Variants in MAGI2 observed in about 807,000 individuals in gnomAD.
MAGI2 encodes membrane-associated guanylate kinase, WW and PDZ domain-containing protein 2.
Under a neutral mutation model 133.3 loss-of-function variants are expected in MAGI2, and 35 were observed. The ratio of observed to expected loss-of-function variants is 0.26; its 90% CI spans 0.20 to 0.35. The LOEUF (loss-of-function observed/expected upper bound fraction) is 0.35, where lower values mean the gene tolerates loss of function less well. Among genes scored for constraint, MAGI2 ranks in the 10% least tolerant of loss-of-function variants. MAGI2 has a pLI of 1.00. For missense variants in MAGI2, 1,636 were observed against 1,863.4 expected, an observed-to-expected ratio of 0.88 and a Z score of 2.25; for synonymous variants, 729 against 710.6, an observed-to-expected ratio of 1.03 and a Z score of -0.41.
intron 1 of MAGI2, among the ~76,000 whole-genome samples, chr7:79,387,957 TC>T (rs1196232876): frequency 9.2e-5 from 14 of 152,012 alleles, no homozygotes; most frequent in African/African-American, 3.4e-4. Flanking sequence ...CATTATTTAA[TC>T]TCAAAATCAT....
At chr7:79,367,858 C>CATATATATATATATGTGACACAT (rs1842806663) in intron 1 of MAGI2, among the ~76,000 whole-genome samples, 1 of 87,114 alleles carries the variant, frequency 1.1e-5, no homozygotes, top group African/African-American at 4.6e-5. Context: ...ATATATGTGA[C>CATATATATATATATGTGACACAT]ATATATATAT....
chr7:78,407,299 G>A (rs943619644), intron 6 of MAGI2, among the ~76,000 whole-genome samples: 4 of 151,844 alleles, frequency 2.6e-5, no homozygotes, highest in African/African-American at 7.3e-5. Context: ...ACAGGATAGC[G>A]TGCTTAGTGA....
chr7:78,115,972 A>G (rs1237541802), intron 20 of MAGI2, among the ~76,000 whole-genome samples: 1 of 152,270 alleles, frequency 6.6e-6, no homozygotes, highest in Admixed American at 6.5e-5. Context: ...ACCTTATCCA[A>G]TGAACAAATC....
intron 2 of MAGI2, 74 bp downstream of exon 2, chr7:79,007,016 C>A: frequency 1.8e-6 from 2 of 1,127,884 alleles, no homozygotes; most frequent in Non-Finnish European, 2.5e-6. Context: ...ATTTCACTTT[C>A]TTTTAATCAA....
At chr7:78,926,725 T>C (rs558802680) in intron 2 of MAGI2, among the ~76,000 whole-genome samples, 1 of 152,190 alleles carries the variant, frequency 6.6e-6, no homozygotes, top group African/African-American at 2.4e-5. Flanking sequence ...GTTAATGATT[T>C]ATTTTTTCTC....
At chr7:78,467,147 A>G (rs1381295457) in intron 6 of MAGI2, among the ~76,000 whole-genome samples, 2 of 152,180 alleles carry the variant, frequency 1.3e-5, no homozygotes, top group Non-Finnish European at 2.9e-5. Flanking sequence ...CAGAGACTGC[A>G]TGCTTATTCA....
chr7:78,265,092 TA>T (rs1272284048), intron 9 of MAGI2, among the ~76,000 whole-genome samples: 1 of 151,062 alleles, frequency 6.6e-6, no homozygotes, highest in Non-Finnish European at 1.5e-5. Flanking sequence ...TTTTTTTTTT[TA>T]AATTATGATT....
At chr7:78,859,620 A>G (rs488107) in intron 2 of MAGI2, among the ~76,000 whole-genome samples, 109,432 of 152,046 alleles carry the variant, frequency 0.72, 39,705 homozygotes, top group Middle Eastern at 0.8. Flanking sequence ...GGGTTTGTCC[A>G]ATGGGCTTCC....
intron 1 of MAGI2, among the ~76,000 whole-genome samples, chr7:79,176,775 T>C (rs1826130792): frequency 6.6e-6 from 1 of 151,988 alleles, no homozygotes; most frequent in African/African-American, 2.4e-5. Flanking sequence ...CTTAGTAAAA[T>C]AATTTTTTAA....
chr7:78,930,474 T>A (rs1233593452), intron 2 of MAGI2, among the ~76,000 whole-genome samples: 1 of 152,040 alleles, frequency 6.6e-6, no homozygotes, highest in Non-Finnish European at 1.5e-5. Context: ...TTCATGAAGA[T>A]CTCTCAGAAA....
intron 16 of MAGI2, among the ~76,000 whole-genome samples, chr7:78,150,762 T>G (rs1378370583): frequency 6.6e-6 from 1 of 152,118 alleles, no homozygotes; most frequent in Non-Finnish European, 1.5e-5. Flanking sequence ...TCCTGAAAAA[T>G]GATTCCCTAG....
intron 3 of MAGI2, among the ~76,000 whole-genome samples, chr7:78,587,116 G>T (rs1007317832): frequency 2.0e-5 from 3 of 152,044 alleles, no homozygotes; most frequent in African/African-American, 7.2e-5. Flanking sequence ...TTGCTGGATT[G>T]TTTGACAGTT....
At chr7:79,384,134 A>G (rs982522512) in intron 1 of MAGI2, among the ~76,000 whole-genome samples, 2 of 151,596 alleles carry the variant, frequency 1.3e-5, no homozygotes, top group African/African-American at 4.8e-5. Flanking sequence ...ATACATTAAA[A>G]GAAAATTATC....
intron 1 of MAGI2, among the ~76,000 whole-genome samples, chr7:79,214,599 A>G (rs1239908827): frequency 1.4e-5 from 2 of 141,674 alleles, no homozygotes; most frequent in Non-Finnish European, 3.1e-5. Flanking sequence ...GAGAGAGTGC[A>G]AACAAAAGAA....
chr7:78,458,155 G>A (rs547431497), intron 6 of MAGI2, among the ~76,000 whole-genome samples: 47 of 152,088 alleles, frequency 3.1e-4, no homozygotes, highest in African/African-American at 8.0e-4. Flanking sequence ...AATTAGCTGC[G>A]CGTGGTGGCA....
intron 15 of MAGI2, among the ~76,000 whole-genome samples, chr7:78,165,690 G>A (rs931853765): frequency 6.6e-6 from 1 of 152,084 alleles, no homozygotes; most frequent in Non-Finnish European, 1.5e-5. Flanking sequence ...CCCTCAGCTT[G>A]GAACCATCCA....
At chr7:79,214,401 CTCTCTCTATATATATA>C (rs1272458531) in intron 1 of MAGI2, among the ~76,000 whole-genome samples, 81 of 56,058 alleles carry the variant, frequency 1.4e-3, no homozygotes, top group Non-Finnish European at 1.9e-3. Flanking sequence ...CTCTCTCTCT[CTCTCTCTATATATATA>C]TATATATATA....
chr7:78,629,694 C>T (rs1496770), intron 2 of MAGI2, among the ~76,000 whole-genome samples: 65,089 of 151,368 alleles, frequency 0.43, 14,401 homozygotes, highest in African/African-American at 0.54. Context: ...CCTCCTGATG[C>T]TTGGTAATTC....
chr7:78,830,297 A>G (rs968568372), intron 2 of MAGI2, among the ~76,000 whole-genome samples: 1 of 152,114 alleles, frequency 6.6e-6, no homozygotes, highest in African/African-American at 2.4e-5. Flanking sequence ...TTTTCTGACA[A>G]TGTCTCTTAC....
Sources: allele counts gnomAD v4.1 joint callset (sites outside exome capture counted in the v4.1 genomes callset), GRCh38; gene constraint gnomAD v4.1.1; transcripts MANE v1.5; gene names NCBI Gene and HGNC (gene_info 2026-07-23, HGNC 2026-07-21).